The following ARMH3 variants were observed in gnomAD, a reference collection of about 807,000 sequenced individuals.
ARMH3 encodes armadillo like helical domain containing 3, also known as armadillo-like helical domain-containing protein 3.
Under a neutral mutation model 99.1 loss-of-function variants are expected in ARMH3, and 60 were observed. The observed-to-expected ratio is 0.61, with a 90% confidence interval of 0.49 to 0.75. The LOEUF is 0.75. ARMH3 is among the 30% of genes least tolerant of loss of function. ARMH3 has a pLI of 0.00. For synonymous variants in ARMH3, 285 were observed against 292.8 expected, an observed-to-expected ratio of 0.97 and a Z score of 0.27; for missense variants, 679 against 843.1, an observed-to-expected ratio of 0.81 and a Z score of 2.41.
At chr10:102,028,205 C>A (rs979200710) in intron 5 of ARMH3, among the ~76,000 whole-genome samples, 1 of 152,068 alleles carries the variant, frequency 6.6e-6, no homozygotes, top group African/African-American at 2.4e-5. Flanking sequence ...TATAGAGTTA[C>A]CATGTGACCC....
At chr10:101,966,084 T>G (rs1845520402) in intron 20 of ARMH3, among the ~76,000 whole-genome samples, 1 of 151,574 alleles carries the variant, frequency 6.6e-6, no homozygotes, top group South Asian at 2.1e-4. Flanking sequence ...CAATCTAATT[T>G]TTTTTTCTTT....
intron 1 of ARMH3, among the ~76,000 whole-genome samples, chr10:102,054,388 C>CAAAAAAAA: frequency 1.4e-5 from 1 of 70,782 alleles, no homozygotes; most frequent in South Asian, 4.1e-4. Flanking sequence ...GACTCCGTCT[C>CAAAAAAAA]AAAAAAAAAA....
chr10:102,041,056 T>G (rs2067397991), intron 1 of ARMH3, among the ~76,000 whole-genome samples: 1 of 141,456 alleles, frequency 7.1e-6, no homozygotes, highest in African/African-American at 2.6e-5. Flanking sequence ...TATACTACTT[T>G]CAAATTTAAT....
intron 13 of ARMH3, 72 bp from the exon 14 acceptor site, chr10:102,006,705 A>AGTCCTTATTGGT: frequency 1.4e-6 from 2 of 1,393,714 alleles, no homozygotes; most frequent in Non-Finnish European, 2.0e-6. Flanking sequence ...GCCTAATACC[A>AGTCCTTATTGGT]ATAAGGACTG....
intron 24 of ARMH3, among the ~76,000 whole-genome samples, chr10:101,888,385 T>A (rs989873388): frequency 2.0e-5 from 3 of 152,104 alleles, no homozygotes; most frequent in Non-Finnish European, 2.9e-5. Context: ...AACAAATATG[T>A]CAAAGGGAAC....
At chr10:101,911,837 A>G (rs2135550308) in intron 23 of ARMH3, among the ~76,000 whole-genome samples, 1 of 152,158 alleles carries the variant, frequency 6.6e-6, no homozygotes, top group South Asian at 2.1e-4. Flanking sequence ...GGAGTTCTAG[A>G]CCAGCCTGGC....
At chr10:102,011,628 C>T in intron 11 of ARMH3, 95 bp downstream of exon 11, 1 of 1,020,398 alleles carries the variant, frequency 9.8e-7, no homozygotes, top group Non-Finnish European at 1.5e-6. Context: ...CATGCCATCA[C>T]TTCAAATATC....
intron 1 of ARMH3, among the ~76,000 whole-genome samples, chr10:102,050,467 AATAC>A (rs1244833577): frequency 6.6e-6 from 1 of 151,980 alleles, no homozygotes; most frequent in East Asian, 1.9e-4. Context: ...TAAATAAATA[AATAC>A]ATACATACAT....
At chr10:101,904,950 C>CA (rs34831483) in intron 23 of ARMH3, among the ~76,000 whole-genome samples, 30,708 of 91,018 alleles carry the variant, frequency 0.34, 4,251 homozygotes, top group Non-Finnish European at 0.41. Flanking sequence ...GACTCCATCT[C>CA]AAAAAAAAAA....
chr10:101,960,594 G>A lies in ARMH3; in HGVS notation c.1496-2862C>T, dbSNP rs570158266. ...ACCTGTTTAGTGTTCTTTCTACCAT[G>A]CCATTAAGAAGATAAGCCAGGTACA... is the stretch of plus-strand genomic sequence containing the variant. On this transcript the variant is annotated intron_variant, in intron 20 of 25. Coordinates refer to ENST00000370033, the MANE Select transcript of ARMH3 (RefSeq NM_024541.3). Among the ~76,000 whole-genome samples the A allele has an allele frequency of 1.1e-3, 163 of 152,152 alleles. 1 individual carries two copies. The highest frequency in any genetic ancestry group is 4.1e-4 in the Non-Finnish European group (28 of 67,988).
intron 20 of ARMH3, among the ~76,000 whole-genome samples, chr10:101,971,195 A>C (rs1483335126): frequency 1.3e-5 from 2 of 152,122 alleles, no homozygotes; most frequent in Non-Finnish European, 2.9e-5. Context: ...AATAAGACAT[A>C]GTGAACAAAA....
At chr10:101,940,941 C>A (rs935762510) in intron 22 of ARMH3, among the ~76,000 whole-genome samples, 1 of 152,188 alleles carries the variant, frequency 6.6e-6, no homozygotes, top group Non-Finnish European at 1.5e-5. Flanking sequence ...GGTAGGCACT[C>A]TAAGTGTATG....
At chr10:102,051,662 G>T (rs1462031222) in intron 1 of ARMH3, among the ~76,000 whole-genome samples, 3 of 152,110 alleles carry the variant, frequency 2.0e-5, no homozygotes, top group Non-Finnish European at 4.4e-5. Context: ...TGGGTGTTCA[G>T]CCTATACCTG....
chr10:101,911,140 CAA>C (rs555442247), intron 23 of ARMH3, among the ~76,000 whole-genome samples: 4 of 127,518 alleles, frequency 3.1e-5, no homozygotes, highest in Admixed American at 7.8e-5. Flanking sequence ...GATTCCGTAC[CAA>C]AAAAAAAAAA....
chr10:102,038,564 CCAGGGTTCAAATCA>C (rs548868626), intron 2 of ARMH3, among the ~76,000 whole-genome samples: 211 of 152,220 alleles, frequency 1.4e-3, no homozygotes, highest in African/African-American at 4.9e-3. Flanking sequence ...GAATCAGGCA[CCAGGGTTCAAATCA>C]CAGCTCCATC....
intron 24 of ARMH3, among the ~76,000 whole-genome samples, chr10:101,876,401 C>A (rs2067268624): frequency 6.6e-6 from 1 of 152,040 alleles, no homozygotes; most frequent in African/African-American, 2.4e-5. Flanking sequence ...AGAGAGAAAA[C>A]ATTGTCTTTG....
chr10:101,882,079 C>T (rs1008805495), intron 24 of ARMH3, among the ~76,000 whole-genome samples: 1 of 152,162 alleles, frequency 6.6e-6, no homozygotes, highest in African/African-American at 2.4e-5. Flanking sequence ...CCCTCAAATG[C>T]CTAGCACACT....
At chr10:101,955,622 T>A (rs1844995271) in intron 22 of ARMH3, among the ~76,000 whole-genome samples, 1 of 152,236 alleles carries the variant, frequency 6.6e-6, no homozygotes, top group South Asian at 2.1e-4. Flanking sequence ...AGTTTCCTCA[T>A]GATACAGGAG....
At chr10:102,002,804 T>C (rs2066392983) in intron 14 of ARMH3, among the ~76,000 whole-genome samples, 1 of 151,274 alleles carries the variant, frequency 6.6e-6, no homozygotes, top group Non-Finnish European at 1.5e-5. Context: ...CTACTAAAAA[T>C]ACAAAAATTA....
Sources: allele counts gnomAD v4.1 joint callset (sites outside exome capture counted in the v4.1 genomes callset), GRCh38; gene constraint gnomAD v4.1.1; transcripts MANE v1.5; gene names NCBI Gene and HGNC (gene_info 2026-07-23, HGNC 2026-07-21).